INTS1: variants seen among roughly 807,000 people sequenced by gnomAD.
INTS1 encodes integrator complex subunit 1.
In INTS1, 137 loss-of-function variants were observed where a neutral mutation model predicts 241.6. The observed-to-expected ratio is 0.57, with a 90% CI of 0.49 to 0.65. INTS1 has a LOEUF of 0.65. Ranked by LOEUF, INTS1 falls within the 30% of genes least tolerant of loss-of-function variation. The pLI, the probability that INTS1 is intolerant of heterozygous loss-of-function variation, is 0.00. For synonymous variants in INTS1, 1,692 were observed against 1,337.8 expected (o/e 1.26, Z -5.78); for missense variants, 3,073 against 3,032.2 (o/e 1.01, Z -0.32).
chr7:1,481,763 C>T lies in INTS1; in HGVS notation c.3704-275G>A, dbSNP rs1039447008. Among the ~76,000 whole-genome samples the T allele has an allele frequency of 6.0e-5, 9 of 151,124 alleles. No individual in the cohort carries two copies. The highest frequency in any genetic ancestry group is 1.2e-4 in the Non-Finnish European group (8 of 67,712). On this transcript the variant is annotated intron_variant, in intron 27 of 47. Transcript: ENST00000404767. The surrounding 1 kb of genome is among the most constrained non-coding windows in gnomAD (Gnocchi z 6.8). Reference sequence around the variant, plus strand: ...GAGACCTGGGGCAGTGCACACTCGGCAGCCCCACCTGAGACCCTGGGCCAC... The same window carrying T: ...GAGACCTGGGGCAGTGCACACTCGGTAGCCCCACCTGAGACCCTGGGCCAC...
chr7:1,478,515 G>A lies in INTS1; in HGVS notation c.4490-9C>T. 6.2e-7 allele frequency: 1 copy of A among 1,608,066 alleles called. No homozygotes were observed. Among genetic ancestry groups the A allele is most frequent in the East Asian group, 2.2e-5 (1 of 44,780 alleles). ...CAGGAGCCCCCCTCGCACTGTGGGA[G>A]GTCTGTGTGAGTGCCCTGTGGCTCC... On this transcript the variant is annotated splice_polypyrimidine_tract_variant and intron_variant, in intron 32 of 47. Coordinates refer to ENST00000404767, the MANE Select transcript of INTS1 (RefSeq NM_001080453.3).
intron 39 of INTS1, 36 bp downstream of exon 39, chr7:1,475,912 G>C (rs1467293324): frequency 1.3e-6 from 2 of 1,522,570 alleles, no homozygotes; most frequent in Non-Finnish European, 1.8e-6. Context: ...AGGGCACCTG[G>C]GACGGCGGCG....
chr7:1,491,459 AAAGT>A lies in INTS1; in HGVS notation c.2165+1547_2165+1550del, dbSNP rs762577770. On this transcript the variant is annotated intron_variant, in intron 16 of 47. Coordinates refer to ENST00000404767, the MANE Select transcript of INTS1 (RefSeq NM_001080453.3). The stretch of plus-strand genomic sequence containing the variant: ...TATGTCACAGTGGCTCAAACACCTG[AAAGT>A]AAGAGCTGGGACTATAAAACCCTTG... Among the ~76,000 whole-genome samples, 10 of 152,366 alleles carry A rather than the reference AAAGT, an allele frequency of 6.6e-5. No individual in the cohort carries two copies. In the South Asian group the frequency reaches 1.9e-3, roughly 28 times the overall value.
At chr7:1,489,984 A>T (rs887040930) in intron 16 of INTS1, among the ~76,000 whole-genome samples, 1 of 152,224 alleles carries the variant, frequency 6.6e-6, no homozygotes, top group Non-Finnish European at 1.5e-5. Context: ...TCTACATGAC[A>T]TAACAGACAC....
Position 1,480,723 on chromosome 7 carries a change from A to G in INTS1, c.3949+112T>C, listed in dbSNP as rs571824618. 5 of 877,956 alleles carry G rather than the reference A, an allele frequency of 5.7e-6. No individual in the cohort carries two copies. In the South Asian group the frequency reaches 8.3e-5, roughly 15 times the overall value. The allele number at this position is 877,956 out of a possible 1,614,324, so 54.4% of individuals were successfully genotyped here. A position where few individuals can be genotyped will look rare whatever the true frequency, so the allele number is the denominator to read the frequency against. On this transcript the variant is annotated intron_variant, in intron 29 of 47. Transcript: ENST00000404767. ...TCTCAGGTGGCATCAGCAAGTGTGC[A>G]CTGCCCTGTGTGGCTGTGCAGGCCC...
chr7:1,475,877 C>T lies in INTS1; in HGVS notation c.5502+71G>A, dbSNP rs949597703. The T allele has an allele frequency of 7.1e-5, 107 of 1,504,292 alleles. No homozygotes were observed. In the Middle Eastern group the frequency reaches 8.9e-4, roughly 13 times the overall value. The allele number at this position is 1,504,292 out of a possible 1,614,324, so 93.2% of individuals were successfully genotyped here. ...CGGCGATGGCCATGTACACTGTGGC[C>T]TCCGCCCTCCCTCCCTGCCCGGCCA... On this transcript the variant is annotated intron_variant, in intron 39 of 47. Coordinates refer to ENST00000404767, the MANE Select transcript of INTS1 (RefSeq NM_001080453.3).
intron 18 of INTS1, 62 bp from the exon 19 acceptor site, chr7:1,488,019 C>G: frequency 1.3e-6 from 2 of 1,561,670 alleles, no homozygotes; most frequent in Non-Finnish European, 1.8e-6. Context: ...CCCAGTGGGC[C>G]ACGCTCAGGG....
intron 22 of INTS1, 40 bp downstream of exon 22, chr7:1,486,585 C>T: frequency 6.3e-7 from 1 of 1,592,132 alleles, no homozygotes; most frequent in East Asian, 2.3e-5. Context: ...TCATTTTAAA[C>T]ATGAAGAGCG....
At chr7:1,483,582 C>T (rs1458769282) in intron 26 of INTS1, 160 bp downstream of exon 26, 20 of 679,394 alleles carry the variant, frequency 2.9e-5, no homozygotes, top group Non-Finnish European at 1.9e-5. Flanking sequence ...GCGGGACGGA[C>T]TGCAGCCTCC....
chr7:1,474,504 G>A (rs1011363734), intron 40 of INTS1, 144 bp from the exon 41 acceptor site: 1 of 1,151,548 alleles, frequency 8.7e-7, no homozygotes, highest in Non-Finnish European at 1.2e-6. Context: ...GTGGGGATGA[G>A]ATCGCCCCTC....
chr7:1,493,934 C>T lies in INTS1; in HGVS notation c.1911-23G>A, dbSNP rs766189829. ...AAGCTGCGGGGTGGGGGAGGCATGA[C>T]TCGGTGTGGGCTGCCCACACCTGCC... On this transcript the variant is annotated intron_variant, in intron 14 of 47. Transcript: ENST00000404767. The surrounding 1 kb of genome is among the most constrained non-coding windows in gnomAD (Gnocchi z 5.3). 1.9e-6 allele frequency: 3 copies of T among 1,546,814 alleles called. No individual in the cohort carries two copies. The highest frequency in any genetic ancestry group is 2.0e-5 in the Admixed American group (1 of 51,006).
rs750184948 is a variant in INTS1, at chr7:1,477,525, C to T, written c.4938+25G>A. On this transcript the variant is annotated intron_variant, in intron 35 of 47. Transcript: ENST00000404767. ...GAGCCTTTACCCTGGGGTGGGTCCC[C>T]GTGCTGAAGCTGGGTGCCACCCACC... 3.7e-5 allele frequency: 55 copies of T among 1,486,524 alleles called. No individual in the cohort carries two copies. The South Asian group carries it at 6.0e-4, about 16-fold the overall frequency. The allele number at this position is 1,486,524 out of a possible 1,614,324, so 92.1% of individuals were successfully genotyped here.
chr7:1,502,080 A>G (rs991966835), intron 3 of INTS1, among the ~76,000 whole-genome samples: 5 of 152,166 alleles, frequency 3.3e-5, no homozygotes, highest in Non-Finnish European at 7.4e-5. Context: ...GCCACAGCCC[A>G]CAAGTCCCCT....
At chr7:1,477,012 A>C in intron 35 of INTS1, 94 bp from the exon 36 acceptor site, 1 of 1,461,312 alleles carries the variant, frequency 6.8e-7, no homozygotes, top group Non-Finnish European at 9.2e-7. Flanking sequence ...AGCCACTCAG[A>C]GAGCCGAGGC....
chr7:1,474,901 A>G, intron 39 of INTS1, 63 bp from the exon 40 acceptor site: 1 of 1,520,582 alleles, frequency 6.6e-7, no homozygotes, highest in South Asian at 1.2e-5. Context: ...ACCCACACTC[A>G]GCCTGGCCGC....
At chr7:1,482,896 C>G in intron 26 of INTS1, 189 bp from the exon 27 acceptor site, 1 of 634,306 alleles carries the variant, frequency 1.6e-6, no homozygotes, top group Non-Finnish European at 2.7e-6. Flanking sequence ...CGCATTTGAT[C>G]CTCACAGATG....
At chr7:1,491,899 T>C (rs1365463166) in intron 16 of INTS1, among the ~76,000 whole-genome samples, 2 of 152,186 alleles carry the variant, frequency 1.3e-5, no homozygotes, top group Non-Finnish European at 2.9e-5. Flanking sequence ...CAAGACTCCG[T>C]TCCCCACAAA....
At position 1,495,535 on chromosome 7, in the gene INTS1, G is replaced by A. The variant is rs749141274; in HGVS notation, c.1730C>T (p.Ser577Leu). 6.2e-7 allele frequency: 1 copy of A among 1,611,420 alleles called. No individual in the cohort carries two copies. The highest frequency in any genetic ancestry group is 1.1e-5 in the South Asian group (1 of 90,816). Reference protein sequence around the residue: ...GEKRNLEVLRSFQNQIAAIQR... With the variant: ...GEKRNLEVLRLFQNQIAAIQR... Reference sequence around the variant, plus strand: ...GATGGCGGCAATCTGGTTCTGGAATGAGCGGAGCACTTCCAGGTCTGAAAC... The same window carrying A: ...GATGGCGGCAATCTGGTTCTGGAATAAGCGGAGCACTTCCAGGTCTGAAAC... Residue 577 changes from serine (S) to leucine (L), a missense_variant, in exon 13 of 48, where the codon TCA becomes TTA. Physicochemically the swap from Ser to Leu is moderately radical, Grantham distance 145. Transcript: ENST00000404767.
At position 1,489,950 on chromosome 7, in the gene INTS1, A is replaced by G. The variant is rs373981827; in HGVS notation, c.2166-268T>C. ...GGTGGTGGATACATAATAAACGTTC[A>G]TTAAGTGACAATGATTTTTGTACTC... is the stretch of plus-strand genomic sequence containing the variant. On this transcript the variant is annotated intron_variant, in intron 16 of 47. Transcript: ENST00000404767. 1.8e-4 allele frequency among the ~76,000 whole-genome samples: 28 copies of G among 152,324 alleles called. No individual in the cohort carries two copies. The South Asian group carries it at 4.6e-3, about 25-fold the overall frequency.
Sources: allele counts gnomAD v4.1 joint callset (sites outside exome capture counted in the v4.1 genomes callset), GRCh38; gene constraint gnomAD v4.1.1; non-coding constraint Gnocchi (gnomAD v3.1); transcripts MANE v1.5; gene names NCBI Gene and HGNC (gene_info 2026-07-23, HGNC 2026-07-21).